OR56A3: variants seen among roughly 807,000 people sequenced by gnomAD.
The protein encoded by OR56A3 is olfactory receptor 56A3.
Under a neutral mutation model 17.5 loss-of-function variants are expected in OR56A3, and 23 were observed. That is an observed-to-expected ratio of 1.32 (90% CI 0.95 to 1.87). The LOEUF is 1.87. Among genes scored for constraint, OR56A3 ranks in the 40% most tolerant of loss-of-function variants. The pLI is 0.00. For missense variants in OR56A3, 366 were observed against 380.1 expected, an observed-to-expected ratio of 0.96 and a Z score of 0.31; for synonymous variants, 175 against 150.6, an observed-to-expected ratio of 1.16 and a Z score of -1.19.
At chr11:5,965,307 G>A in the OR56A3 span, among the ~76,000 whole-genome samples, 15 of 152,066 alleles carry the variant, frequency 9.9e-5, no homozygotes, top group African/African-American at 3.6e-4. Flanking sequence ...AAATAGTAAG[G>A]GGATAATTAA....
the OR56A3 span, among the ~76,000 whole-genome samples, chr11:5,960,887 A>C: frequency 1.3e-5 from 2 of 150,152 alleles, no homozygotes; most frequent in African/African-American, 2.5e-5. Context: ...CCCGTCTGAG[A>C]TGTGAAGAGT....
At chr11:6,014,289 T>C in the OR56A3 span, among the ~76,000 whole-genome samples, 1 of 152,212 alleles carries the variant, frequency 6.6e-6, no homozygotes, top group East Asian at 1.9e-4. Flanking sequence ...TAAATTGTAA[T>C]CCTTAATGTT....
the OR56A3 span, among the ~76,000 whole-genome samples, chr11:5,991,733 T>C: frequency 6.6e-6 from 1 of 152,186 alleles, no homozygotes; most frequent in Non-Finnish European, 1.5e-5. Flanking sequence ...TGAATTCCTG[T>C]GCACCAACTT....
the OR56A3 span, among the ~76,000 whole-genome samples, chr11:5,962,531 C>CTTT: frequency 2.3e-5 from 3 of 128,406 alleles, no homozygotes; most frequent in Non-Finnish European, 3.3e-5. Context: ...CTGGGCTTTT[C>CTTT]TTTTTTTTTT....
At position 5,949,617 on chromosome 11, in the gene OR56A3, C is replaced by T. The variant is rs1847896250; in HGVS notation, c.*1323C>T. ...ACAAGTATGTGTTACTTTGTTTTGA[C>T]CATACAAGGAAAATTTCTCAAGTAT... On this transcript the variant is annotated 3_prime_UTR_variant, in exon 3 of 3. Coordinates refer to ENST00000641160, the MANE Select transcript of OR56A3 (RefSeq NM_001003443.3). 1 of 152,126 alleles carries T rather than the reference C, an allele frequency of 6.6e-6. No homozygotes were observed. The highest frequency in any genetic ancestry group is 1.5e-5 in the Non-Finnish European group (1 of 68,036). The allele number at this position is 152,126 out of a possible 1,614,324, so 9.4% of individuals were successfully genotyped here. A position where few individuals can be genotyped will look rare whatever the true frequency, so the allele number is the denominator to read the frequency against.
chr11:5,974,049 G>A, the OR56A3 span, among the ~76,000 whole-genome samples: 2 of 151,628 alleles, frequency 1.3e-5, no homozygotes, highest in Admixed American at 6.6e-5. Flanking sequence ...TCTCCTACGT[G>A]CTTCTTATTG....
In OR56A3 at chr11:5,949,884, A is replaced by T; in HGVS notation, c.*1590A>T. On this transcript the variant is annotated 3_prime_UTR_variant, in exon 3 of 3. Transcript: ENST00000641160. ...AGCAATAGTTAAAAGCATATAATCA[A>T]TAATTTAATTAGAAATTTCTCAAAA... 6.6e-6 allele frequency: 1 copy of T among 152,342 alleles called. No individual in the cohort carries two copies. Among genetic ancestry groups the T allele is most frequent in the South Asian group, 2.1e-4 (1 of 4,822 alleles). The allele number at this position is 152,342 out of a possible 1,614,324, so 9.4% of individuals were successfully genotyped here.
At chr11:6,019,293 C>A in the OR56A3 span, 2 of 151,456 alleles carry the variant, frequency 1.3e-5, no homozygotes. Flanking sequence ...CAAATCAAAT[C>A]CACCAACCCA....
chr11:5,980,646 A>G, the OR56A3 span, among the ~76,000 whole-genome samples: 1 of 152,098 alleles, frequency 6.6e-6, no homozygotes, highest in Non-Finnish European at 1.5e-5. Context: ...TACCAAATTG[A>G]ACATTTTAAG....
At chr11:6,019,305 C>A in the OR56A3 span, 1 of 151,914 alleles carries the variant, frequency 6.6e-6, no homozygotes, top group Admixed American at 6.6e-5. Flanking sequence ...ACCAACCCAT[C>A]AAAAAGATAA....
At chr11:6,009,460 A>G in the OR56A3 span, among the ~76,000 whole-genome samples, 3 of 152,174 alleles carry the variant, frequency 2.0e-5, no homozygotes, top group Non-Finnish European at 4.4e-5. Flanking sequence ...TAAAAATCTG[A>G]TTATTGACAA....
At chr11:5,985,829 A>C in the OR56A3 span, 1 of 982,034 alleles carries the variant, frequency 1.0e-6, no homozygotes, top group Non-Finnish European at 1.5e-6. Context: ...TAAGACTAGA[A>C]GGAATACTCA....
Position 5,948,188 on chromosome 11 carries a change from A to T in OR56A3, c.842A>T (p.Asn281Ile). The T allele has an allele frequency of 2.5e-6, 4 of 1,614,222 alleles. No homozygotes were observed. Among genetic ancestry groups the T allele is most frequent in the Non-Finnish European group, 3.4e-6 (4 of 1,180,030 alleles). ...KVSPDVPVLL[N>I]VLHHVIPAAL... ...TCCCCTGATGTGCCAGTCTTGCTCA[A>T]TGTTCTCCACCATGTCATTCCTGCA... The change falls in exon 3 of 3, where the codon AAT becomes ATT. Residue 281 changes from asparagine to isoleucine, a missense_variant. Coordinates refer to ENST00000641160, the MANE Select transcript of OR56A3 (RefSeq NM_001003443.3).
the OR56A3 span, chr11:6,002,264 C>T: frequency 1.9e-5 from 31 of 1,614,012 alleles, no homozygotes; most frequent in East Asian, 4.5e-5. Flanking sequence ...GGGAACCACA[C>T]GTGCTCAAGG....
chr11:5,986,298 T>A, the OR56A3 span: 1 of 1,613,944 alleles, frequency 6.2e-7, no homozygotes, highest in Non-Finnish European at 8.5e-7. Flanking sequence ...CTCGATTGAC[T>A]GTGGTTTCTG....
chr11:5,991,661 A>G, the OR56A3 span, among the ~76,000 whole-genome samples: 1 of 152,218 alleles, frequency 6.6e-6, no homozygotes, highest in Non-Finnish European at 1.5e-5. Flanking sequence ...GAAGGGCAGA[A>G]TTCAGCTGGC....
At chr11:5,972,332 A>G in the OR56A3 span, among the ~76,000 whole-genome samples, 1 of 152,124 alleles carries the variant, frequency 6.6e-6, no homozygotes, top group South Asian at 2.1e-4. Flanking sequence ...TCGGTATCAG[A>G]GCCCATTGAC....
chr11:5,953,460 T>G (rs1444352586), downstream of OR56A3, among the ~76,000 whole-genome samples: 1 of 152,216 alleles, frequency 6.6e-6, no homozygotes. Flanking sequence ...TTTTGAAAAG[T>G]GTCTGCTCAT....
chr11:5,944,554 G>T (rs1014089278), intron 1 of OR56A3, among the ~76,000 whole-genome samples: 1 of 152,190 alleles, frequency 6.6e-6, no homozygotes, highest in African/African-American at 2.4e-5. Flanking sequence ...GGGCACAGGC[G>T]TATTCCTATT....
Sources: allele counts gnomAD v4.1 joint callset (sites outside exome capture counted in the v4.1 genomes callset), GRCh38; gene constraint gnomAD v4.1.1; transcripts MANE v1.5; gene names NCBI Gene and HGNC (gene_info 2026-07-23, HGNC 2026-07-21).